SMC1A: variants seen among roughly 807,000 people sequenced by gnomAD.
The protein encoded by SMC1A is structural maintenance of chromosomes 1A, also known as structural maintenance of chromosomes protein 1A.
SMC1A carries 4 observed loss-of-function variants against 94.5 expected under a neutral mutation model. That is an observed-to-expected ratio of 0.04 (90% CI 0.02 to 0.10). The LOEUF (loss-of-function observed/expected upper bound fraction) is 0.10. Among genes scored for constraint, SMC1A ranks in the 10% least tolerant of loss-of-function variants. The pLI, the probability that SMC1A is intolerant of heterozygous loss-of-function variation, is 1.00. For synonymous variants in SMC1A, 345 were observed against 347.7 expected, an observed-to-expected ratio of 0.99 and a Z score of 0.09; for missense variants, 304 against 989.0, an observed-to-expected ratio of 0.31 and a Z score of 9.29.
chrX:53,412,786 A>C, intron 5 of SMC1A, 114 bp downstream of exon 5: 1 of 1,094,370 alleles, frequency 9.1e-7, no homozygotes, highest in Non-Finnish European at 1.3e-6. Flanking sequence ...AAAGCAAGTT[A>C]GGAGAATAAC....
intron 16 of SMC1A, among the ~76,000 whole-genome samples, chrX:53,397,426 C>T (rs1178039652): frequency 9.0e-6 from 1 of 111,065 alleles, no homozygotes; most frequent in Non-Finnish European, 1.9e-5. Context: ...ACAAAGAATA[C>T]AAAAATTAGC....
rs1224565108 is a variant in SMC1A, at chrX:53,415,842, TG to T, written c.110-674del. Among the ~76,000 whole-genome samples, 9 of 44,276 alleles carry T rather than the reference TG, an allele frequency of 2.0e-4. 1 individual carries two copies. Among genetic ancestry groups the T allele is most frequent in the Non-Finnish European group, 3.5e-4 (8 of 23,177 alleles). The allele number at this position is 44,276 out of a possible 115,157, so 38.4% of individuals were successfully genotyped here. A position where few individuals can be genotyped will look rare whatever the true frequency, so the allele number is the denominator to read the frequency against. On this transcript the variant is annotated intron_variant, in intron 1 of 24. Coordinates refer to ENST00000322213, the MANE Select transcript of SMC1A (RefSeq NM_006306.4). ...AACAAGACTCTCTTTAAAAAAATAG[TG>T]AAAAAAAAAAAAAAAGAGGAAAGAA...
chrX:53,396,203 C>A (rs1451515603), intron 18 of SMC1A, 24 bp downstream of exon 18: 10 of 1,205,164 alleles, frequency 8.3e-6, no homozygotes, highest in Non-Finnish European at 1.1e-5. Context: ...ATCGCCCACT[C>A]CCACCACCAG....
At chrX:53,414,570 CA>C (rs1364024733) in intron 3 of SMC1A, among the ~76,000 whole-genome samples, 187 bp downstream of exon 3, 5 of 111,639 alleles carry the variant, frequency 4.5e-5, no homozygotes, top group African/African-American at 1.6e-4. Flanking sequence ...GGAGGGGAAA[CA>C]AAACAAATGT....
At chrX:53,417,491 C>T (rs782486890) in intron 1 of SMC1A, among the ~76,000 whole-genome samples, 1 of 98,118 alleles carries the variant, frequency 1.0e-5, no homozygotes, top group African/African-American at 3.8e-5. Context: ...GCAAAGGTTG[C>T]GGTGAGCCAA....
At chrX:53,422,162 G>T in intron 1 of SMC1A, 1 of 790,102 alleles carries the variant, frequency 1.3e-6, no homozygotes. Flanking sequence ...GCGGGGAGCC[G>T]CGCGGCGGAG....
At chrX:53,401,008 C>T (rs1173813662) in intron 15 of SMC1A, among the ~76,000 whole-genome samples, 1 of 111,517 alleles carries the variant, frequency 9.0e-6, no homozygotes, top group Non-Finnish European at 1.9e-5. Flanking sequence ...TTAAAAACTA[C>T]TTAGTATCCA....
intron 22 of SMC1A, chrX:53,381,902 T>G: frequency 3.1e-6 from 1 of 327,586 alleles, no homozygotes; most frequent in Non-Finnish European, 5.4e-6. Flanking sequence ...GGGAGGAGAA[T>G]GAGGAAGGGT....
Position 53,379,782 on chromosome X carries a change from C to A in SMC1A, c.*321G>T. The A allele has an allele frequency of 2.7e-6, 1 of 376,091 alleles. No individual in the cohort carries two copies. Among genetic ancestry groups the A allele is most frequent in the Non-Finnish European group, 4.7e-6 (1 of 213,816 alleles). The allele number at this position is 376,091 out of a possible 1,213,427, so 31.0% of individuals were successfully genotyped here. A position where few individuals can be genotyped will look rare whatever the true frequency, so the allele number is the denominator to read the frequency against. ...ATACATACATACACACATACATACC[C>A]ACACACACAGTGGGCAAGAGGCCCA... is the stretch of plus-strand genomic sequence containing the variant. On this transcript the variant is annotated 3_prime_UTR_variant, in exon 25 of 25. Coordinates refer to ENST00000322213, the MANE Select transcript of SMC1A (RefSeq NM_006306.4).
At chrX:53,380,587 G>A (rs1556885752) in intron 24 of SMC1A, 33 bp downstream of exon 24, 4 of 935,475 alleles carry the variant, frequency 4.3e-6, no homozygotes, top group East Asian at 6.2e-5. Flanking sequence ...CAGGCAGGGA[G>A]TAGGACTGGC....
In SMC1A at chrX:53,399,645, G is replaced by A; in HGVS notation, c.2506C>T (p.His836Tyr). 8.3e-7 allele frequency: 1 copy of A among 1,206,382 alleles called. No homozygotes were observed. The highest frequency in any genetic ancestry group is 1.1e-6 in the Non-Finnish European group (1 of 891,211). The change falls in exon 16 of 25, where the codon CAC becomes TAC. Residue 836 changes from histidine to tyrosine, a missense_variant. This residue lies in a region of SMC1A where 35 missense variants were observed against 95.4 expected (regional missense o/e 0.37). Coordinates refer to ENST00000322213, the MANE Select transcript of SMC1A (RefSeq NM_006306.4). ...NQLKEDQDKV[H>Y]MWEQTVKKDE... Reference sequence around the variant, plus strand: ...TTTTTCACTGTCTGCTCCCACATGTGTACTTTATCTTGGTCCTCCTTCAGT... The same window carrying A: ...TTTTTCACTGTCTGCTCCCACATGTATACTTTATCTTGGTCCTCCTTCAGT...
At chrX:53,414,287 A>G (rs2075724219) in intron 3 of SMC1A, among the ~76,000 whole-genome samples, 2 of 111,053 alleles carry the variant, frequency 1.8e-5, no homozygotes, top group African/African-American at 6.6e-5. Context: ...GGTGTTTCCT[A>G]AATGATAGGC....
At chrX:53,386,615 G>A (rs2075605439) in intron 19 of SMC1A, among the ~76,000 whole-genome samples, 2 of 111,607 alleles carry the variant, frequency 1.8e-5, no homozygotes, top group African/African-American at 6.5e-5. Context: ...AAGAGGGAAG[G>A]AGGGGAAAGA....
rs1282945239 is a variant in SMC1A at position 53,409,002 on chromosome X, G to A, written c.1545+60C>T. On this transcript the variant is annotated intron_variant, in intron 9 of 24. Transcript: ENST00000322213. ...CAACCCTGTCCTTACAGGGCTGCTG[G>A]GAAAATCGTGTGACAGTGAGTGTAA... 12 of 1,091,232 alleles carry A rather than the reference G, an allele frequency of 1.1e-5. No individual in the cohort carries two copies. The African/African-American group carries it at 1.3e-4, about 12-fold the overall frequency. The allele number at this position is 1,091,232 out of a possible 1,213,427, so 89.9% of individuals were successfully genotyped here.
intron 15 of SMC1A, among the ~76,000 whole-genome samples, chrX:53,403,153 C>T (rs1442700843): frequency 1.6e-5 from 1 of 63,571 alleles, no homozygotes; most frequent in Non-Finnish European, 2.6e-5. Context: ...GTCTCGGAAA[C>T]AGAGTGAGAT....
chrX:53,389,816 CA>C (rs2075620271), intron 19 of SMC1A, among the ~76,000 whole-genome samples: 1 of 102,441 alleles, frequency 9.8e-6, no homozygotes, highest in African/African-American at 3.6e-5. Context: ...GCAATATTTG[CA>C]AATGAAATAT....
rs1490244966 is a variant in SMC1A at position 53,382,803 on chromosome X, C to A, written c.3131-143G>T. ...GGATCTGTATCCAGTGGACTGGCCA[C>A]TGGATACAATGCAGAGCAAGAAACA... On this transcript the variant is annotated intron_variant, in intron 20 of 24. Transcript: ENST00000322213. 6 of 725,937 alleles carry A rather than the reference C, an allele frequency of 8.3e-6. No homozygotes were observed. The East Asian group carries it at 2.0e-4, about 25-fold the overall frequency. 59.8% of individuals were successfully genotyped at this position (725,937 alleles called of 1,213,427 possible).
intron 19 of SMC1A, among the ~76,000 whole-genome samples, chrX:53,392,962 C>T (rs2075635515): frequency 8.9e-6 from 1 of 112,060 alleles, no homozygotes; most frequent in Non-Finnish European, 1.9e-5. Context: ...TCATCATATT[C>T]AGGAGGATTG....
intron 9 of SMC1A, among the ~76,000 whole-genome samples, chrX:53,406,978 G>A (rs782532917): frequency 8.0e-5 from 9 of 112,321 alleles, no homozygotes; most frequent in African/African-American, 2.3e-4. Context: ...GATTACAGGC[G>A]TGAGCTACCG....
Sources: allele counts gnomAD v4.1 joint callset (sites outside exome capture counted in the v4.1 genomes callset), GRCh38; gene constraint gnomAD v4.1.1; regional missense constraint gnomAD v4.1.1; transcripts MANE v1.5; gene names NCBI Gene and HGNC (gene_info 2026-07-23, HGNC 2026-07-21).